The following KYNU variants were observed in gnomAD, a reference collection of about 807,000 sequenced individuals.
KYNU encodes L-kynurenine hydrolase.
Under a neutral mutation model 59.2 loss-of-function variants are expected in KYNU, and 54 were observed. That is an observed-to-expected ratio of 0.91 (90% CI 0.73 to 1.14). The LOEUF (loss-of-function observed/expected upper bound fraction) is 1.14, where lower values mean the gene tolerates loss of function less well. Among genes scored for constraint, KYNU ranks in the 50% most tolerant of loss-of-function variants. The probability of loss-of-function intolerance (pLI) is 0.00; values close to 1 mark genes in which losing one functional copy is unlikely to be tolerated. For missense variants in KYNU, 567 were observed against 554.4 expected (o/e 1.02, Z -0.23); for synonymous variants, 177 against 192.0 (o/e 0.92, Z 0.65).
chr2:142,970,680 A>G (rs1684692627), intron 8 of KYNU, among the ~76,000 whole-genome samples: 1 of 152,180 alleles, frequency 6.6e-6, no homozygotes, highest in Non-Finnish European at 1.5e-5. Context: ...TGTTTTGCCT[A>G]CTTGAATTTC....
At chr2:143,033,075 C>T (rs981458981) in intron 11 of KYNU, among the ~76,000 whole-genome samples, 161 bp from the exon 12 acceptor site, 10 of 152,196 alleles carry the variant, frequency 6.6e-5, no homozygotes, top group Non-Finnish European at 1.2e-4. Flanking sequence ...CGGGAAATAA[C>T]GTCGATATTT....
chr2:142,918,104 C>T (rs1018061915), intron 2 of KYNU, among the ~76,000 whole-genome samples: 9 of 152,096 alleles, frequency 5.9e-5, no homozygotes, highest in African/African-American at 1.9e-4. Flanking sequence ...ACTATGTGTA[C>T]GTGTGTATGG....
intron 2 of KYNU, 141 bp from the exon 3 acceptor site, chr2:142,918,468 G>T: frequency 2.2e-6 from 2 of 914,780 alleles, no homozygotes; most frequent in Non-Finnish European, 3.2e-6. Context: ...TAGAGGACCT[G>T]ATGTCATCCT....
chr2:142,974,180 T>C (rs1684822337), intron 8 of KYNU, among the ~76,000 whole-genome samples: 2 of 152,108 alleles, frequency 1.3e-5, no homozygotes, highest in Non-Finnish European at 2.9e-5. Context: ...AAAAACGGAA[T>C]CACAGAAACT....
At chr2:142,902,694 T>G (rs540202236) in intron 2 of KYNU, among the ~76,000 whole-genome samples, 2 of 152,318 alleles carry the variant, frequency 1.3e-5, no homozygotes, top group Admixed American at 6.5e-5. Context: ...TGAGGAAGTT[T>G]AAAAGCGCTT....
At chr2:142,966,931 A>G (rs937893761) in intron 8 of KYNU, among the ~76,000 whole-genome samples, 1 of 152,062 alleles carries the variant, frequency 6.6e-6, no homozygotes, top group African/African-American at 2.4e-5. Context: ...TGAAATATCC[A>G]GAATTTTTTA....
intron 2 of KYNU, among the ~76,000 whole-genome samples, chr2:142,913,529 C>G (rs1682573406): frequency 6.6e-6 from 1 of 152,096 alleles, no homozygotes; most frequent in East Asian, 1.9e-4. Context: ...GTATTGATTT[C>G]TACTTTTATT....
chr2:142,906,045 C>G (rs1380134065), intron 2 of KYNU, among the ~76,000 whole-genome samples: 1 of 150,386 alleles, frequency 6.6e-6, no homozygotes, highest in Admixed American at 6.6e-5. Flanking sequence ...CCTTTTCTCT[C>G]TCTCTGCCTC....
At position 142,970,608 on chromosome 2, in the gene KYNU, A is replaced by G. The variant is rs1040458053; in HGVS notation, c.729+9838A>G. On this transcript the variant is annotated intron_variant, in intron 8 of 13. Coordinates refer to ENST00000264170, the MANE Select transcript of KYNU (RefSeq NM_003937.3). ...GTAGGTAAATTGATGAATAAAGGTT[A>G]AAAGTCACCATGTGTCTGAAAAGTC... Among the ~76,000 whole-genome samples, 17 of 152,320 alleles carry G rather than the reference A, an allele frequency of 1.1e-4. No individual in the cohort carries two copies. In the East Asian group the frequency reaches 3.3e-3, roughly 29 times the overall value.
chr2:142,954,454 A>C (rs1377590309), intron 4 of KYNU, among the ~76,000 whole-genome samples: 5 of 152,098 alleles, frequency 3.3e-5, no homozygotes, highest in African/African-American at 1.2e-4. Context: ...ATCTTTTTAG[A>C]TTCCTTTGAA....
intron 8 of KYNU, 58 bp from the exon 9 acceptor site, chr2:142,985,026 T>C (rs1685157454): frequency 2.0e-6 from 2 of 984,354 alleles, no homozygotes; most frequent in South Asian, 2.6e-5. Context: ...AAAATATTTG[T>C]ACTTATTATT....
At chr2:143,015,751 A>G (rs1174390053) in intron 10 of KYNU, among the ~76,000 whole-genome samples, 1 of 152,036 alleles carries the variant, frequency 6.6e-6, no homozygotes, top group African/African-American at 2.4e-5. Flanking sequence ...TACCCAAAAC[A>G]TTTCCCCTCA....
intron 8 of KYNU, among the ~76,000 whole-genome samples, chr2:142,978,739 G>A (rs148522707): frequency 0.02 from 3,094 of 152,148 alleles, 106 homozygotes; most frequent in African/African-American, 0.069. Context: ...TAATAAGAGC[G>A]TATCAATGCA....
At chr2:142,909,807 G>C (rs1682419723) in intron 2 of KYNU, among the ~76,000 whole-genome samples, 1 of 151,946 alleles carries the variant, frequency 6.6e-6, no homozygotes, top group African/African-American at 2.4e-5. Flanking sequence ...TTTTTCTTTA[G>C]GTATATACTT....
chr2:142,985,677 A>G (rs12463750), intron 9 of KYNU, among the ~76,000 whole-genome samples: 15,383 of 151,908 alleles, frequency 0.1, 873 homozygotes, highest in East Asian at 0.21. Flanking sequence ...TTTCAAAGCC[A>G]GATCTCATTA....
At chr2:142,951,058 G>T (rs1035402923) in intron 4 of KYNU, among the ~76,000 whole-genome samples, 1 of 152,178 alleles carries the variant, frequency 6.6e-6, no homozygotes, top group African/African-American at 2.4e-5. Flanking sequence ...TATGAATGTG[G>T]TTTGTAGCAT....
In KYNU at chr2:142,918,655, G is replaced by A; in HGVS notation, c.216G>A (p.Leu72=). ...AAGATGAAAATGCCATCTATTTCTT[G>A]GGAAATTCTCTTGGCCTTCAACCAA... is the stretch of plus-strand genomic sequence containing the variant. ...VNKDENAIYF[L]GNSLGLQPKM... The change falls in exon 3 of 14, where the codon TTG becomes TTA. Residue 72 remains leucine (L), a synonymous_variant. Transcript: ENST00000264170. 1.3e-6 allele frequency: 2 copies of A among 1,592,862 alleles called. No individual in the cohort carries two copies. Among genetic ancestry groups the A allele is most frequent in the Non-Finnish European group, 1.7e-6 (2 of 1,169,614 alleles).
At chr2:142,958,484 C>T (rs909118934) in intron 7 of KYNU, among the ~76,000 whole-genome samples, 7 of 152,166 alleles carry the variant, frequency 4.6e-5, no homozygotes, top group South Asian at 4.1e-4. Flanking sequence ...GCTCCCAGAC[C>T]GCTAGTCATT....
chr2:142,994,335 A>G (rs1304136251), intron 10 of KYNU, among the ~76,000 whole-genome samples: 1 of 152,086 alleles, frequency 6.6e-6, no homozygotes, highest in Non-Finnish European at 1.5e-5. Flanking sequence ...TACTTGGAAT[A>G]TATTACTCAC....
Sources: allele counts gnomAD v4.1 joint callset (sites outside exome capture counted in the v4.1 genomes callset), GRCh38; gene constraint gnomAD v4.1.1; transcripts MANE v1.5; gene names NCBI Gene and HGNC (gene_info 2026-07-23, HGNC 2026-07-21).